LRP12: variants seen among roughly 807,000 people sequenced by gnomAD.
LRP12 encodes the protein LDL receptor related protein 12, also known as low-density lipoprotein receptor-related protein 12.
A neutral mutation model predicts 66.0 loss-of-function variants in LRP12; 14 were observed. That is an observed-to-expected ratio of 0.21 (90% CI 0.14 to 0.33). The LOEUF is 0.33. LRP12 is among the 10% of genes least tolerant of loss of function. The pLI, the probability that LRP12 is intolerant of heterozygous loss-of-function variation, is 1.00. For synonymous variants in LRP12, 357 were observed against 359.1 expected (o/e 0.99, Z 0.07); for missense variants, 889 against 1,053.4 (o/e 0.84, Z 2.16).
At chr8:104,524,844 T>C (rs1384364622) in intron 2 of LRP12, among the ~76,000 whole-genome samples, 1 of 152,104 alleles carries the variant, frequency 6.6e-6, no homozygotes, top group South Asian at 2.1e-4. Flanking sequence ...ACAGCATAAA[T>C]TATTTCTAGA....
intron 1 of LRP12, chr8:104,566,352 G>C (rs1049297063): frequency 2.4e-5 from 6 of 249,086 alleles, no homozygotes; most frequent in Admixed American, 9.4e-5. Context: ...AACTAAGTCT[G>C]GTGAGGAAAA....
At chr8:104,498,948 T>C (rs1588483142) in intron 4 of LRP12, among the ~76,000 whole-genome samples, 1 of 152,316 alleles carries the variant, frequency 6.6e-6, no homozygotes, top group East Asian at 1.9e-4. Flanking sequence ...AAGGTGAAAT[T>C]TGTTAGGTCT....
intron 1 of LRP12, among the ~76,000 whole-genome samples, chr8:104,576,262 T>C (rs1321568014): frequency 6.6e-6 from 1 of 152,012 alleles, no homozygotes; most frequent in African/African-American, 2.4e-5. Context: ...ATTGAGAAAA[T>C]GCAGAGAACT....
rs565143102 is a variant in LRP12, at chr8:104,520,731, G to C, written c.136+11176C>G. On this transcript the variant is annotated intron_variant, in intron 2 of 6. Coordinates refer to ENST00000276654, the MANE Select transcript of LRP12 (RefSeq NM_013437.5). ...AGGCTGTTAGTCAACTGATACCCAA[G>C]TACAGTTTGCTTATCCACCAAGTGA... is the stretch of plus-strand genomic sequence containing the variant. Among the ~76,000 whole-genome samples the C allele has an allele frequency of 1.3e-4, 20 of 152,170 alleles. No individual in the cohort carries two copies. In the South Asian group the frequency reaches 1.7e-3, roughly 13 times the overall value.
chr8:104,548,194 A>ATTAATATTAATATACATATT (rs561640568), intron 1 of LRP12, among the ~76,000 whole-genome samples: 5 of 79,640 alleles, frequency 6.3e-5, no homozygotes, highest in South Asian at 3.5e-4. Context: ...ATATATATAT[A>ATTAATATTAATATACATATT]AATATATGAT....
chr8:104,555,305 A>G (rs1304674931), intron 1 of LRP12, among the ~76,000 whole-genome samples: 1 of 152,202 alleles, frequency 6.6e-6, no homozygotes, highest in Admixed American at 6.5e-5. Flanking sequence ...TGAAAAGAAT[A>G]GTACCTCGCA....
At chr8:104,508,534 G>A (rs1451780007) in intron 3 of LRP12, 1 of 158,032 alleles carries the variant, frequency 6.3e-6, no homozygotes, top group African/African-American at 2.4e-5. Context: ...ATGACAAATT[G>A]TGTTTTAACT....
chr8:104,531,771 T>G (rs1335976445), intron 2 of LRP12, 136 bp downstream of exon 2: 1 of 617,124 alleles, frequency 1.6e-6, no homozygotes, highest in African/African-American at 1.9e-5. Flanking sequence ...TTCCAGTTAC[T>G]TCATTCCTTA....
In LRP12 at chr8:104,497,502, T is replaced by C; in HGVS notation, c.1050A>G (p.Ile350Met). ...PLTVVSSSGQ[I>M]RVHFCADKVN... ...CTTTATCAGCACAAAAATGTACCCT[T>C]ATCTGTCCAGAAGAAGAAACAACTG... The change falls in exon 5 of 7, where the codon ATA (isoleucine) becomes ATG (methionine). Residue 350 changes from isoleucine (I) to methionine (M), a missense_variant. Physicochemically the swap from Ile to Met is conservative, Grantham distance 10. Around this residue, in one of 3 missense-constraint regions of LRP12, gnomAD observed 800 missense variants for 964.5 expected, o/e 0.83. Transcript: ENST00000276654. The surrounding 1 kb of genome is among the most constrained non-coding windows in gnomAD (Gnocchi z 4.3). 1 of 1,614,124 alleles carries C rather than the reference T, an allele frequency of 6.2e-7. No individual in the cohort carries two copies. Among genetic ancestry groups the C allele is most frequent in the Non-Finnish European group, 8.5e-7 (1 of 1,179,998 alleles).
At chr8:104,528,710 G>A (rs563532606) in intron 2 of LRP12, among the ~76,000 whole-genome samples, 38 of 151,996 alleles carry the variant, frequency 2.5e-4, no homozygotes, top group African/African-American at 8.0e-4. Context: ...GGGAGGCAGC[G>A]GTCGTAGTGA....
chr8:104,575,894 T>C (rs985371234), intron 1 of LRP12, among the ~76,000 whole-genome samples: 5 of 152,104 alleles, frequency 3.3e-5, no homozygotes, highest in Non-Finnish European at 1.5e-5. Context: ...ACGCTGGAAC[T>C]GACAGACAAC....
intron 1 of LRP12, among the ~76,000 whole-genome samples, chr8:104,546,886 C>A (rs374777967): frequency 2.4e-4 from 13 of 53,116 alleles, no homozygotes; most frequent in East Asian, 3.9e-4. Flanking sequence ...AATTATTCTT[C>A]TTATAATTAT....
intron 1 of LRP12, among the ~76,000 whole-genome samples, chr8:104,586,138 A>T (rs572123319): frequency 6.6e-6 from 1 of 152,342 alleles, no homozygotes; most frequent in South Asian, 2.1e-4. Flanking sequence ...AGATAATTAC[A>T]GGTCCTTGAA....
At position 104,588,974 on chromosome 8, in the gene LRP12, CGCCGCCGCCGCCGCCGCCGCCGCCGA is replaced by C; in HGVS notation, c.-103_-78del. 1.6e-6 allele frequency: 1 copy of C among 640,458 alleles called. No individual in the cohort carries two copies. The highest frequency in any genetic ancestry group is 2.3e-5 in the South Asian group (1 of 43,828). 39.7% of individuals were successfully genotyped at this position (640,458 alleles called of 1,614,324 possible). ...AGCTGGAGGTAGACGACGCCGACGC[CGCCGCCGCCGCCGCCGCCGCCGCCGA>C]GCCACCGGCTGCTCCCTGCGCTCTC... On this transcript the variant is annotated 5_prime_UTR_variant, in exon 1 of 7. Coordinates refer to ENST00000276654, the MANE Select transcript of LRP12 (RefSeq NM_013437.5).
At chr8:104,507,676 A>G (rs1487042348) in intron 3 of LRP12, 1 of 152,230 alleles carries the variant, frequency 6.6e-6, no homozygotes, top group East Asian at 1.9e-4. Context: ...TGTTACAGAA[A>G]GATAACCTTA....
intron 6 of LRP12, 63 bp downstream of exon 6, chr8:104,495,012 CAT>C (rs1179772133): frequency 6.7e-7 from 1 of 1,481,482 alleles, no homozygotes; most frequent in Non-Finnish European, 9.2e-7. Context: ...TTTGCTTTAT[CAT>C]ATATACAGGC....
chr8:104,560,012 T>A (rs1485697209), intron 1 of LRP12, among the ~76,000 whole-genome samples: 1 of 152,186 alleles, frequency 6.6e-6, no homozygotes, highest in Admixed American at 6.5e-5. Flanking sequence ...GTAAATAACT[T>A]GCTCAAGGAC....
intron 1 of LRP12, among the ~76,000 whole-genome samples, chr8:104,574,797 T>C (rs921250947): frequency 1.3e-5 from 2 of 152,232 alleles, no homozygotes; most frequent in African/African-American, 4.8e-5. Flanking sequence ...TTTTAAAATA[T>C]TAACATTAAT....
intron 1 of LRP12, among the ~76,000 whole-genome samples, chr8:104,544,672 A>G (rs1291932258): frequency 6.6e-6 from 1 of 152,096 alleles, no homozygotes; most frequent in Non-Finnish European, 1.5e-5. Flanking sequence ...CACATTGTAA[A>G]CATCTGTTTA....
Sources: gnomAD v4.1 joint callset for allele counts (sites outside exome capture counted in the v4.1 genomes callset) on GRCh38, gnomAD v4.1.1 for gene constraint, gnomAD v4.1.1 regional missense constraint, Gnocchi (gnomAD v3.1) non-coding constraint, MANE v1.5 for transcripts, NCBI Gene and HGNC (gene_info 2026-07-23, HGNC 2026-07-21) for gene names.